PCNX1: variants seen among roughly 807,000 people sequenced by gnomAD.
The protein encoded by PCNX1 is pecanex 1.
In PCNX1, 78 loss-of-function variants were observed where a neutral mutation model predicts 242.2. The ratio of observed to expected loss-of-function variants is 0.32; its 90% confidence interval spans 0.27 to 0.39. The LOEUF (loss-of-function observed/expected upper bound fraction) is 0.39. Among genes scored for constraint, PCNX1 ranks in the 10% least tolerant of loss-of-function variants. PCNX1 has a pLI of 1.00. For synonymous variants in PCNX1, 1,024 were observed against 1,032.9 expected (o/e 0.99, Z 0.17); for missense variants, 2,581 against 2,856.5 (o/e 0.90, Z 2.20).
chr14:70,921,958 A>G (rs969007058), intron 1 of PCNX1, among the ~76,000 whole-genome samples: 1 of 152,096 alleles, frequency 6.6e-6, no homozygotes, highest in Non-Finnish European at 1.5e-5. Context: ...ATATGTCGGG[A>G]TAGGTGATTC....
chr14:71,098,885 C>A (rs957782699), intron 30 of PCNX1, among the ~76,000 whole-genome samples: 5 of 152,178 alleles, frequency 3.3e-5, no homozygotes, highest in African/African-American at 1.2e-4. Context: ...TTCTGGTTCT[C>A]AAGGGGGATG....
chr14:71,072,273 A>G (rs2061603922), intron 26 of PCNX1, among the ~76,000 whole-genome samples: 1 of 152,216 alleles, frequency 6.6e-6, no homozygotes, highest in Non-Finnish European at 1.5e-5. Flanking sequence ...AAAACAAGGT[A>G]TGCCTGTATA....
chr14:71,056,166 TATTA>T (rs1253650447), intron 25 of PCNX1, among the ~76,000 whole-genome samples: 3 of 152,242 alleles, frequency 2.0e-5, no homozygotes, highest in Non-Finnish European at 2.9e-5. Flanking sequence ...AACCTCAGTG[TATTA>T]ATTTACTAAA....
chr14:71,028,887 T>C (rs1409197660), intron 16 of PCNX1, 96 bp downstream of exon 16: 1 of 647,722 alleles, frequency 1.5e-6, no homozygotes, highest in Non-Finnish European at 2.6e-6. Flanking sequence ...TCCCCTGGTA[T>C]CGCTTAGCAT....
chr14:70,934,474 G>GTC (rs2056923073), intron 1 of PCNX1, among the ~76,000 whole-genome samples: 4 of 152,102 alleles, frequency 2.6e-5, no homozygotes, highest in Admixed American at 2.6e-4. Flanking sequence ...CAGAGACAGG[G>GTC]TCTCACTATG....
chr14:70,912,662 A>T (rs1406951572), intron 1 of PCNX1, among the ~76,000 whole-genome samples: 1 of 152,018 alleles, frequency 6.6e-6, no homozygotes, highest in Admixed American at 6.6e-5. Flanking sequence ...CTTTCTGCTC[A>T]GAGGAAAAGA....
intron 16 of PCNX1, chr14:71,031,556 A>G: frequency 2.2e-6 from 1 of 453,030 alleles, no homozygotes; most frequent in Non-Finnish European, 4.1e-6. Context: ...CCCCAACTTC[A>G]ACAACCTCCT....
intron 28 of PCNX1, among the ~76,000 whole-genome samples, chr14:71,083,017 C>T (rs979624218): frequency 6.6e-6 from 1 of 152,262 alleles, no homozygotes; most frequent in East Asian, 1.9e-4. Flanking sequence ...TTTAGTGCTT[C>T]CTTCAGGAGC....
chr14:70,978,748 C>T, intron 6 of PCNX1, 100 bp downstream of exon 6: 1 of 1,033,844 alleles, frequency 9.7e-7, no homozygotes, highest in Non-Finnish European at 1.4e-6. Flanking sequence ...TAATATTCCC[C>T]CTTCCACTGT....
intron 3 of PCNX1, among the ~76,000 whole-genome samples, chr14:70,967,938 T>G (rs1432193054): frequency 6.6e-6 from 1 of 152,098 alleles, no homozygotes; most frequent in East Asian, 1.9e-4. Flanking sequence ...GATCTGGCTC[T>G]GGGGGGGCTC....
intron 2 of PCNX1, among the ~76,000 whole-genome samples, chr14:70,959,173 T>G (rs1410388740): frequency 6.6e-6 from 1 of 151,598 alleles, no homozygotes; most frequent in African/African-American, 2.4e-5. Flanking sequence ...CTAAGTTTTG[T>G]GAAATTTGGT....
chr14:70,974,127 T>C (rs769571603), intron 5 of PCNX1, among the ~76,000 whole-genome samples: 1 of 151,974 alleles, frequency 6.6e-6, no homozygotes, highest in African/African-American at 2.4e-5. Context: ...TATCAGGATG[T>C]TATTTCTTTT....
At chr14:71,019,951 C>A (rs150319385) in intron 12 of PCNX1, among the ~76,000 whole-genome samples, 16 of 151,468 alleles carry the variant, frequency 1.1e-4, no homozygotes, top group African/African-American at 3.9e-4. Context: ...CGCCCCCTGA[C>A]GGACCCCCTC....
At chr14:71,090,449 G>A (rs1185271771) in intron 30 of PCNX1, among the ~76,000 whole-genome samples, 1 of 152,146 alleles carries the variant, frequency 6.6e-6, no homozygotes, top group African/African-American at 2.4e-5. Context: ...AATCTAAAGT[G>A]TGGGAATTAA....
At chr14:71,050,561 C>A (rs940872983) in intron 22 of PCNX1, 91 bp from the exon 23 acceptor site, 7 of 1,203,508 alleles carry the variant, frequency 5.8e-6, no homozygotes, top group African/African-American at 4.6e-5. Flanking sequence ...GAGAACTTCT[C>A]CTAATACATT....
chr14:70,979,523 C>T (rs74060519), intron 6 of PCNX1, among the ~76,000 whole-genome samples: 1 of 149,386 alleles, frequency 6.7e-6, no homozygotes, highest in Non-Finnish European at 1.5e-5. Flanking sequence ...TCAGAAAAAT[C>T]AGGTCTTTTG....
chr14:71,086,430 G>A (rs1207492567), intron 28 of PCNX1, among the ~76,000 whole-genome samples: 1 of 152,080 alleles, frequency 6.6e-6, no homozygotes, highest in Non-Finnish European at 1.5e-5. Context: ...GGATATTTCT[G>A]TATTCCTGTA....
intron 30 of PCNX1, among the ~76,000 whole-genome samples, chr14:71,095,115 C>G (rs1443082964): frequency 6.6e-6 from 1 of 152,012 alleles, no homozygotes; most frequent in African/African-American, 2.4e-5. Flanking sequence ...CATCTGTTCT[C>G]TTGTCCTCTA....
chr14:71,103,583 T>C lies in PCNX1; in HGVS notation c.6009T>C (p.Ser2003=). ...TCTCACCCCTGACAACTTCTTACTC[T>C]GACAGCCACGAACAGCTTAAAGACA... ...IFVSPLTTSY[S]DSHEQLKDIL... The change falls in exon 32 of 36, where the codon TCT becomes TCC. Residue 2003 remains serine (S), a synonymous_variant. Transcript: ENST00000304743. 1 of 1,614,152 alleles carries C rather than the reference T, an allele frequency of 6.2e-7. No individual in the cohort carries two copies. Among genetic ancestry groups the C allele is most frequent in the Non-Finnish European group, 8.5e-7 (1 of 1,180,004 alleles).
Sources: allele counts gnomAD v4.1 joint callset (sites outside exome capture counted in the v4.1 genomes callset), GRCh38; gene constraint gnomAD v4.1.1; transcripts MANE v1.5; gene names NCBI Gene and HGNC (gene_info 2026-07-23, HGNC 2026-07-21).